Variants in HNF4A observed in about 807,000 individuals in gnomAD.
HNF4A encodes the protein hepatocyte nuclear factor 4 alpha.
Under a neutral mutation model 52.4 loss-of-function variants are expected in HNF4A, and 15 were observed. That is an observed-to-expected ratio of 0.29 (90% CI 0.19 to 0.44). The LOEUF (loss-of-function observed/expected upper bound fraction) is 0.44, where lower values mean the gene tolerates loss of function less well. Ranked by LOEUF, HNF4A falls within the 20% of genes least tolerant of loss-of-function variation. The pLI is 1.00. For missense variants in HNF4A, 479 were observed against 647.2 expected (o/e 0.74, Z 2.82); for synonymous variants, 280 against 264.4 (o/e 1.06, Z -0.57).
At chr20:44,424,389 G>C in intron 8 of HNF4A, 135 bp downstream of exon 8, 2 of 1,451,128 alleles carry the variant, frequency 1.4e-6, no homozygotes, top group South Asian at 2.4e-5. Context: ...ACCTGTCTGT[G>C]CCTCAGTTTC....
In HNF4A at chr20:44,381,907, G is replaced by A. The variant is rs117144426; in HGVS notation, c.50-24151G>A. On this transcript the variant is annotated intron_variant, in intron 1 of 9. Transcript: ENST00000316673. ...ATTACAGGCCTGAGCCACCGCACCC[G>A]GCAGGAAAGTACTTTGAATTGAGTA... Among the ~76,000 whole-genome samples the A allele has an allele frequency of 6.7e-3, 1,019 of 152,292 alleles. 23 individuals are homozygous for A. In the East Asian group the frequency reaches 0.088, roughly 13 times the overall value.
chr20:44,393,504 GA>G (rs1452458578), intron 1 of HNF4A, among the ~76,000 whole-genome samples: 2 of 152,244 alleles, frequency 1.3e-5, no homozygotes, highest in Non-Finnish European at 2.9e-5. Flanking sequence ...TAGAGGCACA[GA>G]CTCTAGAGAC....
intron 1 of HNF4A, among the ~76,000 whole-genome samples, chr20:44,362,934 T>C (rs1456734102): frequency 6.6e-6 from 1 of 151,654 alleles, no homozygotes; most frequent in Non-Finnish European, 1.5e-5. Flanking sequence ...CTCTGCCTCC[T>C]GGGTTCAAAC....
chr20:44,413,929 G>A (rs1381974995), intron 4 of HNF4A, 129 bp downstream of exon 4: 1 of 714,628 alleles, frequency 1.4e-6, no homozygotes, highest in Non-Finnish European at 2.5e-6. Flanking sequence ...ATTACAGAAG[G>A]GACACTGAGT....
At chr20:44,422,696 A>AATAT (rs147466065) in intron 7 of HNF4A, among the ~76,000 whole-genome samples, 6 of 146,644 alleles carry the variant, frequency 4.1e-5, no homozygotes, top group African/African-American at 1.5e-4. Flanking sequence ...TATTTTTTAA[A>AATAT]ATATATATAT....
chr20:44,384,857 G>A (rs1400759416), intron 1 of HNF4A, among the ~76,000 whole-genome samples: 1 of 152,030 alleles, frequency 6.6e-6, no homozygotes, highest in Non-Finnish European at 1.5e-5. Flanking sequence ...TTTGTCTGAC[G>A]TAGATCATGA....
Position 44,406,236 on chromosome 20 carries a change from A to G in HNF4A, c.290+4A>G. Reference sequence around the variant, plus strand: ...AGAACCACATGTACTCCTGCAGGTGAGGAGCCTCAATTTCTTCAGCTGGGA... The same window carrying G: ...AGAACCACATGTACTCCTGCAGGTGGGGAGCCTCAATTTCTTCAGCTGGGA... On this transcript the variant is annotated splice_donor_region_variant and intron_variant, in intron 2 of 9. Coordinates refer to ENST00000316099, the MANE Select transcript of HNF4A (RefSeq NM_000457.6). 1 of 1,612,748 alleles carries G rather than the reference A, an allele frequency of 6.2e-7. No individual in the cohort carries two copies. Among genetic ancestry groups the G allele is most frequent in the Non-Finnish European group, 8.5e-7 (1 of 1,179,746 alleles).
In HNF4A at chr20:44,432,369, G is replaced by A. The variant is rs1172359869; in HGVS notation, c.*2704G>A. The A allele has an allele frequency of 1.9e-4, 2 of 10,730 alleles. No homozygotes were observed. Among genetic ancestry groups the A allele is most frequent in the Non-Finnish European group, 5.6e-4 (2 of 3,570 alleles). The allele number at this position is 10,730 out of a possible 1,614,324, so 0.7% of individuals were successfully genotyped here. A position where few individuals can be genotyped will look rare whatever the true frequency, so the allele number is the denominator to read the frequency against. On this transcript the variant is annotated 3_prime_UTR_variant, in exon 10 of 10. Transcript: ENST00000316099. ...CTTTTTTTTTTTTTTTTTTTTTTTT[G>A]GCTACTTGAGTTGTGGTCCTAAAAC...
intron 7 of HNF4A, among the ~76,000 whole-genome samples, chr20:44,423,213 G>A (rs1187683800): frequency 6.6e-6 from 1 of 152,130 alleles, no homozygotes; most frequent in Non-Finnish European, 1.5e-5. Flanking sequence ...CTACTCGGGA[G>A]GCTGAGGCAG....
intron 3 of HNF4A, among the ~76,000 whole-genome samples, chr20:44,409,771 C>T (rs933552654): frequency 2.0e-5 from 3 of 151,874 alleles, no homozygotes; most frequent in Non-Finnish European, 2.9e-5. Flanking sequence ...TCTCGCTCCT[C>T]ACTCCCTGAC....
chr20:44,390,428 G>T (rs1039885742), intron 1 of HNF4A: 1 of 550,598 alleles, frequency 1.8e-6, no homozygotes. Context: ...CAGAGCCCTG[G>T]GGCTAATTCC....
At position 44,431,302 on chromosome 20, in the gene HNF4A, A is replaced by G. The variant is rs1353585387; in HGVS notation, c.*1637A>G. On this transcript the variant is annotated 3_prime_UTR_variant, in exon 10 of 10. Coordinates refer to ENST00000316099, the MANE Select transcript of HNF4A (RefSeq NM_000457.6). ...ACTCGTTCTTCTGGGAACCCTGCCC[A>G]CTCCCAGGACCAAGATTGGCCTGAG... 6.6e-6 allele frequency: 1 copy of G among 152,148 alleles called. No individual in the cohort carries two copies. The highest frequency in any genetic ancestry group is 1.5e-5 in the Non-Finnish European group (1 of 68,046). 9.4% of individuals were successfully genotyped at this position (152,148 alleles called of 1,614,324 possible).
rs770969034 is a variant in HNF4A at position 44,355,793 on chromosome 20, G to A, written c.-12G>A. 21 of 1,613,536 alleles carry A rather than the reference G, an allele frequency of 1.3e-5. No homozygotes were observed. The highest frequency in any genetic ancestry group is 1.6e-5 in the Non-Finnish European group (19 of 1,179,866). ...TCCATGCCCCCAGCTCTCCGGCTGG[G>A]TGGGCTTGGCCATGGTCAGCGTGAA... On this transcript the variant is annotated 5_prime_UTR_variant, in exon 1 of 10. It adds an upstream start codon to the 5' untranslated region. Transcript: ENST00000316673.
chr20:44,400,239 G>A (rs1303691566), upstream of HNF4A, among the ~76,000 whole-genome samples: 1 of 152,118 alleles, frequency 6.6e-6, no homozygotes, highest in African/African-American at 2.4e-5. Flanking sequence ...GGGTTGGGTT[G>A]CCTGTGACTG....
intron 1 of HNF4A, among the ~76,000 whole-genome samples, chr20:44,384,041 G>C (rs1462990434): frequency 6.6e-6 from 1 of 151,792 alleles, no homozygotes; most frequent in Non-Finnish European, 1.5e-5. Context: ...AGTAGAGATG[G>C]GGTTTCCTCA....
At chr20:44,358,319 C>G (rs1404559770) in intron 1 of HNF4A, among the ~76,000 whole-genome samples, 1 of 151,772 alleles carries the variant, frequency 6.6e-6, no homozygotes, top group African/African-American at 2.4e-5. Context: ...AAACAAAACC[C>G]CTCTCCCAGG....
Position 44,413,732 on chromosome 20 carries a change from T to C in HNF4A, c.424T>C (p.Ser142Pro), listed in dbSNP as rs780342162. 6.8e-6 allele frequency: 11 copies of C among 1,613,310 alleles called. No individual in the cohort carries two copies. In the Admixed American group the frequency reaches 1.7e-4, roughly 24 times the overall value. ...GCGGGACCGGATCAGCACTCGAAGG[T>C]CAAGCTATGAGGACAGCAGCCTGCC... The change falls in exon 4 of 10, where the codon TCA (serine) becomes CCA (proline). Residue 142 changes from serine (S) to proline (P), a missense_variant. Ser to Pro is a moderately conservative substitution (Grantham distance 74, BLOSUM62 -1). Around this residue, in one of 3 missense-constraint regions of HNF4A, gnomAD observed 389 missense variants for 525.1 expected, o/e 0.74. Coordinates refer to ENST00000316099, the MANE Select transcript of HNF4A (RefSeq NM_000457.6).
chr20:44,400,963 G>T (rs1249038357), upstream of HNF4A, among the ~76,000 whole-genome samples: 1 of 152,108 alleles, frequency 6.6e-6, no homozygotes, highest in Admixed American at 6.5e-5. Context: ...CCTGACTTGG[G>T]GTGACAATGG....
chr20:44,406,288 C>T, intron 2 of HNF4A, 56 bp downstream of exon 2: 1 of 1,511,046 alleles, frequency 6.6e-7, no homozygotes, highest in Non-Finnish European at 9.1e-7. Context: ...CTCATGGCCC[C>T]AAGGTCTGTC....
Sources: allele counts gnomAD v4.1 joint callset (sites outside exome capture counted in the v4.1 genomes callset), GRCh38; gene constraint gnomAD v4.1.1; regional missense constraint gnomAD v4.1.1; transcripts MANE v1.5; gene names NCBI Gene and HGNC (gene_info 2026-07-23, HGNC 2026-07-21).